The following PKHD1 variants were observed in gnomAD, a reference collection of about 807,000 sequenced individuals.
PKHD1 encodes fibrocystin.
In PKHD1, 291 loss-of-function variants were observed where a neutral mutation model predicts 412.0. The observed-to-expected ratio is 0.71, with a 90% confidence interval of 0.64 to 0.78. The LOEUF is 0.78. PKHD1 is among the 30% of genes least tolerant of loss of function. The pLI, the probability that PKHD1 is intolerant of heterozygous loss-of-function variation, is 0.00. For missense variants in PKHD1, 4,825 were observed against 4,950.7 expected (o/e 0.97, Z 0.76); for synonymous variants, 1,777 against 1,821.5 (o/e 0.98, Z 0.62).
intron 53 of PKHD1, among the ~76,000 whole-genome samples, chr6:51,781,447 T>C (rs1158085284): frequency 1.3e-5 from 2 of 152,150 alleles, no homozygotes; most frequent in African/African-American, 2.4e-5. Context: ...TTTCAATTAA[T>C]GGAATATTAA....
chr6:51,880,822 C>G (rs1404898765), intron 46 of PKHD1, among the ~76,000 whole-genome samples: 6 of 124,220 alleles, frequency 4.8e-5, no homozygotes, highest in Non-Finnish European at 8.1e-5. Flanking sequence ...AAAAATTAGC[C>G]AGGCGTGGTG....
chr6:51,783,855 T>C (rs1377252601), intron 53 of PKHD1, among the ~76,000 whole-genome samples: 1 of 152,194 alleles, frequency 6.6e-6, no homozygotes, highest in Non-Finnish European at 1.5e-5. Context: ...ACTCCTTTTT[T>C]CCTTTCACAT....
At chr6:51,756,181 C>G (rs1481530935) in intron 55 of PKHD1, among the ~76,000 whole-genome samples, 2 of 152,110 alleles carry the variant, frequency 1.3e-5, no homozygotes, top group Non-Finnish European at 2.9e-5. Context: ...ATTGATGCAA[C>G]TTTAATGAAG....
chr6:51,693,132 A>G (rs982587580), intron 60 of PKHD1, among the ~76,000 whole-genome samples: 6 of 152,214 alleles, frequency 3.9e-5, no homozygotes, highest in Non-Finnish European at 7.3e-5. Context: ...GCACAAGTGC[A>G]CATTCATACA....
At chr6:52,052,873 T>C (rs572973195) in intron 21 of PKHD1, among the ~76,000 whole-genome samples, 1 of 151,736 alleles carries the variant, frequency 6.6e-6, no homozygotes, top group Middle Eastern at 3.4e-3. Flanking sequence ...GAGAAAATCG[T>C]GGGGAAAATA....
chr6:51,818,838 C>T (rs555753955), intron 52 of PKHD1, among the ~76,000 whole-genome samples: 6 of 151,984 alleles, frequency 3.9e-5, no homozygotes, highest in African/African-American at 1.2e-4. Flanking sequence ...GATGGACCAC[C>T]GAGTGACTTT....
intron 10 of PKHD1, 43 bp downstream of exon 10, chr6:52,070,363 A>G (rs1810417789): frequency 1.6e-6 from 2 of 1,225,082 alleles, no homozygotes; most frequent in Middle Eastern, 1.9e-4. Flanking sequence ...TAGGTAATAT[A>G]AAATGAAGAC....
intron 37 of PKHD1, among the ~76,000 whole-genome samples, chr6:51,922,325 C>A (rs1784831877): frequency 6.6e-6 from 1 of 152,216 alleles, no homozygotes; most frequent in South Asian, 2.1e-4. Flanking sequence ...GAAGCTTCAT[C>A]TCAGAGGGGC....
chr6:51,890,363 C>T (rs1039856339), intron 43 of PKHD1, among the ~76,000 whole-genome samples: 2 of 151,980 alleles, frequency 1.3e-5, no homozygotes, highest in African/African-American at 4.8e-5. Context: ...AAAGAAAAGT[C>T]TTGTCACCCG....
Position 51,791,143 on chromosome 6 carries a change from A to G in PKHD1, c.8440+93T>C. The G allele has an allele frequency of 1.5e-6, 2 of 1,325,368 alleles. 1 individual carries two copies. The highest frequency in any genetic ancestry group is 2.2e-6 in the Non-Finnish European group (2 of 919,046). The allele number at this position is 1,325,368 out of a possible 1,614,324, so 82.1% of individuals were successfully genotyped here. On this transcript the variant is annotated intron_variant, in intron 53 of 66. Coordinates refer to ENST00000371117, the MANE Select transcript of PKHD1 (RefSeq NM_138694.4). Reference sequence around the variant, plus strand: ...CCTTAACCCTCCCTAAACTCTGTTAAGCAACCTGCTTGATGATACCATCTG... The same window carrying G: ...CCTTAACCCTCCCTAAACTCTGTTAGGCAACCTGCTTGATGATACCATCTG...
intron 53 of PKHD1, among the ~76,000 whole-genome samples, chr6:51,790,943 A>C (rs750735000): frequency 2.0e-5 from 3 of 152,212 alleles, no homozygotes; most frequent in African/African-American, 4.8e-5. Context: ...GAAAACCTAA[A>C]GGAAGAATTG....
intron 46 of PKHD1, among the ~76,000 whole-genome samples, chr6:51,881,580 A>G (rs990164798): frequency 2.6e-5 from 4 of 152,214 alleles, no homozygotes; most frequent in Non-Finnish European, 5.9e-5. Flanking sequence ...TGGTATGAAC[A>G]CTAATAAATG....
At chr6:51,955,144 T>C (rs1790918841) in intron 36 of PKHD1, among the ~76,000 whole-genome samples, 1 of 152,070 alleles carries the variant, frequency 6.6e-6, no homozygotes, top group Admixed American at 6.6e-5. Flanking sequence ...AGCTCATTAG[T>C]ATTAATTGAT....
intron 52 of PKHD1, among the ~76,000 whole-genome samples, chr6:51,792,544 T>A (rs1240056413): frequency 6.6e-6 from 1 of 152,242 alleles, no homozygotes; most frequent in Non-Finnish European, 1.5e-5. Flanking sequence ...CCATTTCTCT[T>A]GTTTTCCTAA....
chr6:51,715,945 C>T (rs574956937), intron 60 of PKHD1, among the ~76,000 whole-genome samples: 118 of 152,260 alleles, frequency 7.7e-4, no homozygotes, highest in Middle Eastern at 3.4e-3. Flanking sequence ...TCCAGAAGTC[C>T]AAACTGTCTT....
At chr6:51,826,851 T>C (rs1201487524) in intron 52 of PKHD1, among the ~76,000 whole-genome samples, 1 of 152,122 alleles carries the variant, frequency 6.6e-6, no homozygotes, top group Non-Finnish European at 1.5e-5. Context: ...ATTAGTACAG[T>C]AAAGTCCTAT....
At chr6:51,723,919 A>G (rs2150843662) in intron 60 of PKHD1, among the ~76,000 whole-genome samples, 1 of 152,278 alleles carries the variant, frequency 6.6e-6, no homozygotes, top group Admixed American at 6.5e-5. Flanking sequence ...AGAACCAGGG[A>G]CTTTCTAAGC....
chr6:52,044,181 G>A (rs1409577025), intron 25 of PKHD1, among the ~76,000 whole-genome samples: 1 of 152,082 alleles, frequency 6.6e-6, no homozygotes, highest in African/African-American at 2.4e-5. Context: ...ACTTTACTTG[G>A]GGTCTCTTTT....
At chr6:51,861,702 T>C (rs1297872494) in intron 48 of PKHD1, among the ~76,000 whole-genome samples, 2 of 152,214 alleles carry the variant, frequency 1.3e-5, no homozygotes, top group Non-Finnish European at 2.9e-5. Flanking sequence ...TTCCGTAATA[T>C]TTCATTATCA....
Sources: allele counts gnomAD v4.1 joint callset (sites outside exome capture counted in the v4.1 genomes callset), GRCh38; gene constraint gnomAD v4.1.1; transcripts MANE v1.5; gene names NCBI Gene and HGNC (gene_info 2026-07-23, HGNC 2026-07-21).